The following KAT6A variants were observed in gnomAD, a reference collection of about 807,000 sequenced individuals.
The protein encoded by KAT6A is histone acetyltransferase KAT6A.
A neutral mutation model predicts 198.4 loss-of-function variants in KAT6A; 9 were observed. The observed-to-expected ratio is 0.05, with a 90% confidence interval of 0.03 to 0.08. The LOEUF (loss-of-function observed/expected upper bound fraction) is 0.08, where lower values mean the gene tolerates loss of function less well. Among genes scored for constraint, KAT6A ranks in the 10% least tolerant of loss-of-function variants. The pLI is 1.00. For missense variants in KAT6A, 2,077 were observed against 2,509.9 expected (o/e 0.83, Z 3.69); for synonymous variants, 890 against 883.0 (o/e 1.01, Z -0.14).
Position 41,933,269 on chromosome 8 carries a change from G to A in KAT6A, c.4951C>T (p.Pro1651Ser). ...GGCTGCTGTGGAGGCGGTGGTGGCG[G>A]CTGCTGCTGCTGGTTACTGGGAGGC... is the stretch of plus-strand genomic sequence containing the variant. ...ERPPSNQQQQ[P>S]PPPPPQQPQP... The change falls in exon 17 of 17, where the codon CCG becomes TCG. Residue 1651 changes from proline (P) to serine (S), a missense_variant. This residue lies in a region of KAT6A where 500 missense variants were observed against 577.2 expected (regional missense o/e 0.87). Transcript: ENST00000265713. This position sits in a 1 kb window ranked among gnomAD's most constrained non-coding sequence, Gnocchi z 6.2. 1.3e-6 allele frequency: 2 copies of A among 1,561,568 alleles called. No homozygotes were observed. The highest frequency in any genetic ancestry group is 1.7e-6 in the Non-Finnish European group (2 of 1,159,560).
In KAT6A at chr8:41,978,666, T is replaced by C. The variant is rs1211522927; in HGVS notation, c.1019A>G (p.Asn340Ser). Residue 340 changes from asparagine to serine, a missense_variant, in exon 6 of 17, where the codon AAC becomes AGC. Transcript: ENST00000265713. ...RYTNPIGRPK[N>S]RLKKQNTVSK... The stretch of plus-strand genomic sequence containing the variant: ...CACCGTGTTTTGTTTCTTTAACCTG[T>C]TTTTTGGACGTCCTATTGGATTAGT... The C allele has an allele frequency of 1.2e-6, 2 of 1,613,756 alleles. No individual in the cohort carries two copies. The highest frequency in any genetic ancestry group is 2.2e-5 in the East Asian group (1 of 44,876).
chr8:41,956,941 G>T, intron 8 of KAT6A: 1 of 433,576 alleles, frequency 2.3e-6, no homozygotes. Context: ...ACAACTCAAA[G>T]TAATAACAAC....
Position 41,934,782 on chromosome 8 carries a change from C to G in KAT6A, c.3438G>C (p.Leu1146Phe). The G allele has an allele frequency of 6.2e-7, 1 of 1,613,728 alleles. No homozygotes were observed. Among genetic ancestry groups the G allele is most frequent in the Non-Finnish European group, 8.5e-7 (1 of 1,179,956 alleles). Reference sequence around the variant, plus strand: ...CTTTGGGCCATCCCTTTTTCTTTTTCAAAGGTGTGGATGTATCTGGCTCAA... The same window carrying G: ...CTTTGGGCCATCCCTTTTTCTTTTTGAAAGGTGTGGATGTATCTGGCTCAA... ...SPLEPDTSTP[L>F]KKKKGWPKGK... Residue 1146 changes from leucine to phenylalanine, a missense_variant, in exon 17 of 17, where the codon TTG becomes TTC. Physicochemically the swap from Leu to Phe is conservative, Grantham distance 22. Coordinates refer to ENST00000265713, the MANE Select transcript of KAT6A (RefSeq NM_006766.5).
chr8:41,979,375 A>G (rs1824232692), intron 5 of KAT6A, among the ~76,000 whole-genome samples: 1 of 151,802 alleles, frequency 6.6e-6, no homozygotes, highest in Non-Finnish European at 1.5e-5. Context: ...ACAGTGGCTC[A>G]TGCCTGTAAT....
chr8:42,021,580 C>G (rs1434174832), intron 2 of KAT6A, among the ~76,000 whole-genome samples: 1 of 152,136 alleles, frequency 6.6e-6, no homozygotes, highest in Non-Finnish European at 1.5e-5. Context: ...AATCTCTGCT[C>G]TTAATACTCT....
At chr8:41,968,035 AG>A (rs1229553899) in intron 8 of KAT6A, among the ~76,000 whole-genome samples, 1 of 152,100 alleles carries the variant, frequency 6.6e-6, no homozygotes, top group Non-Finnish European at 1.5e-5. Flanking sequence ...AAGAAAACCT[AG>A]GCATTACCAT....
At chr8:41,946,444 A>G in intron 12 of KAT6A, 147 bp downstream of exon 12, 1 of 505,098 alleles carries the variant, frequency 2.0e-6, no homozygotes, top group Non-Finnish European at 3.4e-6. Flanking sequence ...ATATGACAAA[A>G]GATACTAGCA....
chr8:41,974,960 A>T (rs1823975670), intron 7 of KAT6A, 138 bp from the exon 8 acceptor site: 1 of 467,148 alleles, frequency 2.1e-6, no homozygotes, highest in Non-Finnish European at 3.8e-6. Flanking sequence ...TCTTAGAAGA[A>T]TGCTACTCAA....
chr8:41,956,940 A>G (rs2150872215), intron 8 of KAT6A: 1 of 432,152 alleles, frequency 2.3e-6, no homozygotes, highest in East Asian at 5.0e-5. Context: ...CACAACTCAA[A>G]GTAATAACAA....
intron 8 of KAT6A, among the ~76,000 whole-genome samples, chr8:41,964,255 A>G (rs898729470): frequency 6.6e-6 from 1 of 152,202 alleles, no homozygotes; most frequent in African/African-American, 2.4e-5. Flanking sequence ...GAGGCCAAGT[A>G]ATTAATAATA....
rs549776699 is a variant in KAT6A at position 42,050,257 on chromosome 8, G to T, written c.-325-955C>A. Among the ~76,000 whole-genome samples, 5 of 152,306 alleles carry T rather than the reference G, an allele frequency of 3.3e-5. 1 individual carries two copies. Among genetic ancestry groups the T allele is most frequent in the South Asian group, 4.1e-4 (2 of 4,824 alleles). On this transcript the variant is annotated intron_variant, in intron 1 of 16. Coordinates refer to ENST00000265713, the MANE Select transcript of KAT6A (RefSeq NM_006766.5). ...ACATTAATAAAACATAAACAGAAATGTACTGTCTCTCTGAATCAAAGTCAG... is the reference window on the plus strand; with the variant it reads ...ACATTAATAAAACATAAACAGAAATTTACTGTCTCTCTGAATCAAAGTCAG...
intron 2 of KAT6A, among the ~76,000 whole-genome samples, chr8:42,001,592 A>C (rs899694409): frequency 6.6e-5 from 10 of 152,352 alleles, no homozygotes; most frequent in African/African-American, 2.4e-4. Flanking sequence ...ATTTTTTAAA[A>C]GGCATGGGGC....
chr8:41,982,912 G>A (rs931921175), intron 3 of KAT6A, among the ~76,000 whole-genome samples: 3 of 151,942 alleles, frequency 2.0e-5, no homozygotes, highest in Non-Finnish European at 2.9e-5. Context: ...TACAGAGTTC[G>A]GTTTTATCCA....
chr8:42,044,342 A>C (rs1478275907), intron 2 of KAT6A, among the ~76,000 whole-genome samples: 1 of 149,604 alleles, frequency 6.7e-6, no homozygotes, highest in African/African-American at 2.5e-5. Flanking sequence ...CAGGTGATCC[A>C]CCCCCCCCTC....
At chr8:41,951,424 GATCT>G (rs1237818732) in intron 9 of KAT6A, among the ~76,000 whole-genome samples, 1 of 152,054 alleles carries the variant, frequency 6.6e-6, no homozygotes, top group Non-Finnish European at 1.5e-5. Flanking sequence ...AGAAAAAAAA[GATCT>G]ATCATATAGA....
At position 41,943,999 on chromosome 8, in the gene KAT6A, T is replaced by C; in HGVS notation, c.1997-20A>G. The C allele has an allele frequency of 6.4e-7, 1 of 1,572,616 alleles. No individual in the cohort carries two copies. ...AATAACCTAAAGAATCACAAATAACTCAAATCAGAACTAGGTCAGCAACTC... is the reference window on the plus strand; with the variant it reads ...AATAACCTAAAGAATCACAAATAACCCAAATCAGAACTAGGTCAGCAACTC... On this transcript the variant is annotated intron_variant, in intron 12 of 16. Transcript: ENST00000265713.
chr8:41,951,195 T>A (rs1422682260), intron 9 of KAT6A, among the ~76,000 whole-genome samples: 1 of 151,096 alleles, frequency 6.6e-6, no homozygotes, highest in Non-Finnish European at 1.5e-5. Context: ...AAAACTTTAG[T>A]GAACCTTATT....
rs927639245 is a variant in KAT6A, at chr8:41,946,489, TATATACACACACACACACACACAC to T, written c.1996+78_1996+101del. 2.2e-5 allele frequency: 10 copies of T among 453,862 alleles called. No homozygotes were observed. The African/African-American group carries it at 2.2e-4, about 10-fold the overall frequency. 28.1% of individuals were successfully genotyped at this position (453,862 alleles called of 1,614,324 possible). A position where few individuals can be genotyped will look rare whatever the true frequency, so the allele number is the denominator to read the frequency against. The stretch of plus-strand genomic sequence containing the variant: ...GCACCTACAAATCTTTAAATATATA[TATATACACACACACACACACACAC>T]ACACACACACACACACACACACACA... On this transcript the variant is annotated intron_variant, in intron 12 of 16. Coordinates refer to ENST00000265713, the MANE Select transcript of KAT6A (RefSeq NM_006766.5).
At chr8:41,983,711 A>G (rs960235284) in intron 3 of KAT6A, among the ~76,000 whole-genome samples, 1 of 152,228 alleles carries the variant, frequency 6.6e-6, no homozygotes, top group African/African-American at 2.4e-5. Context: ...CTGCCAAAAC[A>G]TTTTCCAAAA....
Sources: gnomAD v4.1 joint callset for allele counts (sites outside exome capture counted in the v4.1 genomes callset) on GRCh38, gnomAD v4.1.1 for gene constraint, gnomAD v4.1.1 regional missense constraint, Gnocchi (gnomAD v3.1) non-coding constraint, MANE v1.5 for transcripts, NCBI Gene and HGNC (gene_info 2026-07-23, HGNC 2026-07-21) for gene names.